The following ASB3 variants were observed in gnomAD, a reference collection of about 807,000 sequenced individuals.
ASB3 encodes the protein ankyrin repeat and SOCS box protein 3.
In ASB3, 41 loss-of-function variants were observed where a neutral mutation model predicts 54.5. The observed-to-expected ratio is 0.75, with a 90% CI of 0.59 to 0.98. ASB3 has a LOEUF of 0.98. ASB3 is among the 50% of genes least tolerant of loss of function. The probability of loss-of-function intolerance (pLI) is 0.00; values close to 1 mark genes in which losing one functional copy is unlikely to be tolerated. For synonymous variants in ASB3, 266 were observed against 221.2 expected, an observed-to-expected ratio of 1.20 and a Z score of -1.80; for missense variants, 733 against 620.0, an observed-to-expected ratio of 1.18 and a Z score of -1.94.
chr2:53,768,201 C>T, intron 1 of ASB3: 1 of 689,878 alleles, frequency 1.4e-6, no homozygotes, highest in Non-Finnish European at 2.3e-6. Context: ...TAACCCAGCC[C>T]GGGCACTCCT....
chr2:53,689,752 T>C (rs1433044735), intron 9 of ASB3, among the ~76,000 whole-genome samples: 1 of 152,220 alleles, frequency 6.6e-6, no homozygotes, highest in Non-Finnish European at 1.5e-5. Flanking sequence ...GGAATCCTCA[T>C]AATGTTCCTG....
intron 9 of ASB3, among the ~76,000 whole-genome samples, chr2:53,676,862 A>G (rs1310526523): frequency 6.6e-6 from 1 of 152,142 alleles, no homozygotes; most frequent in African/African-American, 2.4e-5. Flanking sequence ...TTTGCCTCCC[A>G]GGTTCAAGCA....
In ASB3 at chr2:53,765,513, T is replaced by C. The variant is rs763231509; in HGVS notation, c.60A>G (p.Glu20=). 21 of 1,614,232 alleles carry C rather than the reference T, an allele frequency of 1.3e-5. No individual in the cohort carries two copies. In the South Asian group the frequency reaches 2.2e-4, roughly 17 times the overall value. ...GTTTCCTTAAGACTTTAACATTGCC[T>C]TCCCTGGCAGCAAGTCCAACTGTAG... ...TCSTVGLAAR[E]GNVKVLRKLL... is the part of the protein sequence containing the mutation. Residue 20 remains glutamate (E), a synonymous_variant, in exon 2 of 10, where the codon GAA becomes GAG. Coordinates refer to ENST00000263634, the MANE Select transcript of ASB3 (RefSeq NM_016115.5).
At chr2:53,755,758 T>C (rs916153030) in intron 2 of ASB3, among the ~76,000 whole-genome samples, 4 of 152,126 alleles carry the variant, frequency 2.6e-5, no homozygotes, top group African/African-American at 9.7e-5. Context: ...TGAAAGGCAT[T>C]ACAAAGAAAG....
At chr2:53,718,287 T>TA (rs141757905) in intron 5 of ASB3, among the ~76,000 whole-genome samples, 37,160 of 151,828 alleles carry the variant, frequency 0.24, 4,536 homozygotes, top group Middle Eastern at 0.3. Context: ...GAGAAAAACG[T>TA]CAGATCACAT....
chr2:53,708,122 G>T (rs905580222), intron 7 of ASB3, among the ~76,000 whole-genome samples: 2 of 152,158 alleles, frequency 1.3e-5, no homozygotes, highest in Non-Finnish European at 2.9e-5. Flanking sequence ...GGGGCTTGGT[G>T]GGAGGTGACT....
chr2:53,720,452 A>C (rs754803531), intron 5 of ASB3, among the ~76,000 whole-genome samples: 3 of 152,222 alleles, frequency 2.0e-5, no homozygotes, highest in Non-Finnish European at 4.4e-5. Context: ...TTTCTATTCA[A>C]GAAAAAATTA....
intron 3 of ASB3, among the ~76,000 whole-genome samples, chr2:53,733,243 G>C (rs1054418032): frequency 1.3e-5 from 2 of 152,200 alleles, no homozygotes; most frequent in African/African-American, 2.4e-5. Flanking sequence ...AATGATACAT[G>C]TCAGCAACAG....
intron 5 of ASB3, among the ~76,000 whole-genome samples, chr2:53,723,833 T>C (rs1460388131): frequency 6.6e-6 from 1 of 152,094 alleles, no homozygotes; most frequent in African/African-American, 2.4e-5. Flanking sequence ...AGCAATGAGT[T>C]AGAGACTCCT....
At chr2:53,726,681 T>C (rs1021840607) in intron 5 of ASB3, among the ~76,000 whole-genome samples, 10 of 149,846 alleles carry the variant, frequency 6.7e-5, no homozygotes, top group African/African-American at 1.0e-4. Flanking sequence ...TATATACACA[T>C]ATATATATAT....
intron 3 of ASB3, among the ~76,000 whole-genome samples, chr2:53,744,859 T>C (rs1348760477): frequency 2.6e-5 from 4 of 152,204 alleles, no homozygotes; most frequent in Non-Finnish European, 5.9e-5. Flanking sequence ...ATGACACATT[T>C]TACAGTTAAA....
intron 8 of ASB3, among the ~76,000 whole-genome samples, chr2:53,697,916 T>C (rs1159739404): frequency 2.0e-5 from 3 of 152,324 alleles, no homozygotes; most frequent in Admixed American, 2.0e-4. Context: ...TCTCCCAAGA[T>C]GGCACTTCAT....
chr2:53,729,548 A>G lies in ASB3; in HGVS notation c.378T>C (p.Asp126=). ...CGTGTTGAAGCAACAGCCTTAACAC[A>G]TCTATCTGTCCATTTTCAACAGCTG... ...LFLAVENGQI[D]VLRLLLQHGA... is the part of the protein sequence containing the mutation. The change falls in exon 4 of 10, where the codon GAT becomes GAC. Residue 126 remains aspartate, a synonymous_variant. Transcript: ENST00000263634. 1.2e-6 allele frequency: 2 copies of G among 1,613,874 alleles called. No individual in the cohort carries two copies. Among genetic ancestry groups the G allele is most frequent in the South Asian group, 2.2e-5 (2 of 91,070 alleles).
intron 6 of ASB3, among the ~76,000 whole-genome samples, chr2:53,715,240 C>A (rs941233412): frequency 6.6e-6 from 1 of 152,112 alleles, no homozygotes; most frequent in Non-Finnish European, 1.5e-5. Flanking sequence ...AAACTTACCT[C>A]TAGCAGTCAA....
At chr2:53,738,995 G>A (rs1410389519) in intron 3 of ASB3, among the ~76,000 whole-genome samples, 1 of 152,156 alleles carries the variant, frequency 6.6e-6, no homozygotes, top group Admixed American at 6.5e-5. Context: ...ACCTCTGAGG[G>A]TAGGAACACT....
chr2:53,706,199 C>T (rs1237789140), intron 7 of ASB3, among the ~76,000 whole-genome samples: 1 of 152,190 alleles, frequency 6.6e-6, no homozygotes, highest in African/African-American at 2.4e-5. Flanking sequence ...ACATCTGTGA[C>T]TCATCCAAGC....
chr2:53,675,839 C>T (rs1668055999), intron 9 of ASB3, among the ~76,000 whole-genome samples: 2 of 152,072 alleles, frequency 1.3e-5, no homozygotes, highest in African/African-American at 2.4e-5. Context: ...TTCCTAGTAC[C>T]TATTTTCAAA....
intron 7 of ASB3, among the ~76,000 whole-genome samples, chr2:53,706,289 A>G (rs1474317000): frequency 6.6e-6 from 1 of 152,238 alleles, no homozygotes; most frequent in Non-Finnish European, 1.5e-5. Context: ...AATCTGATAT[A>G]ATTATTGATT....
chr2:53,730,610 G>C (rs1671252051), intron 3 of ASB3, among the ~76,000 whole-genome samples: 1 of 152,036 alleles, frequency 6.6e-6, no homozygotes, highest in Non-Finnish European at 1.5e-5. Flanking sequence ...AGCTCTCTGA[G>C]GAATCACCAT....
Sources: allele counts gnomAD v4.1 joint callset (sites outside exome capture counted in the v4.1 genomes callset), GRCh38; gene constraint gnomAD v4.1.1; transcripts MANE v1.5; gene names NCBI Gene and HGNC (gene_info 2026-07-23, HGNC 2026-07-21).